The following ARHGAP6 variants were observed in gnomAD, a reference collection of about 807,000 sequenced individuals.
ARHGAP6 encodes the protein rho GTPase-activating protein 6.
In ARHGAP6, 16 loss-of-function variants were observed where a neutral mutation model predicts 55.7. The ratio of observed to expected loss-of-function variants is 0.29; its 90% confidence interval spans 0.19 to 0.44. ARHGAP6 has a LOEUF of 0.44. Ranked by LOEUF, ARHGAP6 falls within the 20% of genes least tolerant of loss-of-function variation. The probability of loss-of-function intolerance (pLI) is 1.00; values close to 1 mark genes in which losing one functional copy is unlikely to be tolerated. For synonymous variants in ARHGAP6, 382 were observed against 360.9 expected (o/e 1.06, Z -0.66); for missense variants, 698 against 808.9 (o/e 0.86, Z 1.66).
At chrX:11,404,288 C>G (rs1189166220) in intron 1 of ARHGAP6, among the ~76,000 whole-genome samples, 1 of 110,956 alleles carries the variant, frequency 9.0e-6, no homozygotes, top group East Asian at 2.8e-4. Flanking sequence ...AGCCCAGGAT[C>G]GAGGTCATCC....
intron 1 of ARHGAP6, among the ~76,000 whole-genome samples, chrX:11,558,933 C>T (rs1337956567): frequency 3.9e-5 from 4 of 102,970 alleles, no homozygotes; most frequent in Non-Finnish European, 7.8e-5. Context: ...AGTTAAGTCA[C>T]GTAAATTCCC....
chrX:11,368,898 C>T, intron 1 of ARHGAP6, among the ~76,000 whole-genome samples: 1 of 111,927 alleles, frequency 8.9e-6, no homozygotes, highest in African/African-American at 3.2e-5. Context: ...TCATGTTTTA[C>T]AGTCTAAAAA....
intron 1 of ARHGAP6, among the ~76,000 whole-genome samples, chrX:11,344,678 C>CAAAAAAAAAAAAAAAAAAAAAAAA (rs34123570): frequency 1.3e-3 from 36 of 28,255 alleles, no homozygotes; most frequent in East Asian, 1.4e-3. Context: ...AACTCCATCA[C>CAAAAAAAAAAAAAAAAAAAAAAAA]AAAAAAAAAA....
chrX:11,428,053 TGCTGAGG>T, intron 1 of ARHGAP6, among the ~76,000 whole-genome samples: 1 of 112,676 alleles, frequency 8.9e-6, no homozygotes, highest in Non-Finnish European at 1.9e-5. Context: ...GGACCCCGGC[TGCTGAGG>T]CGGGGACTGC....
At position 11,174,274 on chromosome X, in the gene ARHGAP6, C is replaced by T. The variant is rs949190538; in HGVS notation, c.1629+3826G>A. Among the ~76,000 whole-genome samples, 6 of 111,933 alleles carry T rather than the reference C, an allele frequency of 5.4e-5. No homozygotes were observed. The East Asian group carries it at 1.7e-3, about 31-fold the overall frequency. On this transcript the variant is annotated intron_variant, in intron 8 of 12. Transcript: ENST00000337414. ...TGTGCATCTTAAATTCAACCTCCTC[C>T]ATGAAGCCATTCCTAACTTTTCTGG... is the stretch of plus-strand genomic sequence containing the variant.
rs1389621200 is a variant in ARHGAP6 at position 11,390,778 on chromosome X, C to A, written c.589-136071G>T. On this transcript the variant is annotated intron_variant, in intron 1 of 12. Transcript: ENST00000337414. ...ACCACAGTGAGATACCATCTCACAC[C>A]AGTTACAATGGCGATCATTCAAATG... Among the ~76,000 whole-genome samples, 3 of 112,067 alleles carry A rather than the reference C, an allele frequency of 2.7e-5. No homozygotes were observed. The East Asian group carries it at 8.3e-4, about 31-fold the overall frequency.
intron 1 of ARHGAP6, among the ~76,000 whole-genome samples, chrX:11,279,135 C>T (rs1037802845): frequency 2.7e-5 from 3 of 111,855 alleles, no homozygotes; most frequent in African/African-American, 9.7e-5. Context: ...CCTAGCTTAA[C>T]ATGATGACTT....
At chrX:11,465,411 T>C in intron 1 of ARHGAP6, among the ~76,000 whole-genome samples, 1 of 112,547 alleles carries the variant, frequency 8.9e-6, no homozygotes, top group Middle Eastern at 4.2e-3. Flanking sequence ...ATATGTAGTT[T>C]AAAATGTTCT....
At chrX:11,386,794 T>C (rs2049333560) in intron 1 of ARHGAP6, among the ~76,000 whole-genome samples, 1 of 111,809 alleles carries the variant, frequency 8.9e-6, no homozygotes, top group Admixed American at 9.5e-5. Flanking sequence ...AATTAAACTA[T>C]AAATAGCAGT....
chrX:11,294,537 C>A (rs1569289551), intron 1 of ARHGAP6, among the ~76,000 whole-genome samples: 1 of 111,748 alleles, frequency 8.9e-6, no homozygotes, highest in African/African-American at 3.3e-5. Flanking sequence ...TCATTCATGT[C>A]CCTGTAACTT....
At chrX:11,388,367 T>C (rs1174584410) in intron 1 of ARHGAP6, among the ~76,000 whole-genome samples, 1 of 112,261 alleles carries the variant, frequency 8.9e-6, no homozygotes, top group South Asian at 3.8e-4. Context: ...GAGAAGTGTC[T>C]GTTCATATCC....
intron 1 of ARHGAP6, among the ~76,000 whole-genome samples, chrX:11,426,773 C>T (rs781711676): frequency 9.2e-6 from 1 of 108,987 alleles, no homozygotes; most frequent in Non-Finnish European, 1.9e-5. Context: ...CATCTAGTAT[C>T]TGGATTTGGT....
At chrX:11,373,094 A>AAC (rs71907621) in intron 1 of ARHGAP6, among the ~76,000 whole-genome samples, 4,079 of 98,812 alleles carry the variant, frequency 0.041, 86 homozygotes, top group Middle Eastern at 0.071. Context: ...CACACACACA[A>AAC]ACACACACAC....
At position 11,190,800 on chromosome X, in the gene ARHGAP6, G is replaced by A. The variant is rs755575290; in HGVS notation, c.821-1816C>T. 2.3e-3 allele frequency among the ~76,000 whole-genome samples: 254 copies of A among 111,626 alleles called. 1 individual carries two copies. The highest frequency in any genetic ancestry group is 2.9e-3 in the Non-Finnish European group (156 of 53,135). On this transcript the variant is annotated intron_variant, in intron 3 of 12. Transcript: ENST00000337414. ...CATCTAAGGAAAACCAACCAGACTC[G>A]TTTAGAGACTTCTTATACCTCTGGG...
chrX:11,358,429 G>GTTTCTTTCTTTCTTTCTTTC (rs1569313348), intron 1 of ARHGAP6, among the ~76,000 whole-genome samples: 3 of 85,469 alleles, frequency 3.5e-5, no homozygotes, highest in Non-Finnish European at 6.9e-5. Flanking sequence ...CGTTTTAACT[G>GTTTCTTTCTTTCTTTCTTTC]TATCTTTCTT....
intron 1 of ARHGAP6, among the ~76,000 whole-genome samples, chrX:11,379,121 C>T (rs963217120): frequency 8.9e-6 from 1 of 112,202 alleles, no homozygotes; most frequent in Admixed American, 9.4e-5. Flanking sequence ...CTATGCAGCT[C>T]TACGCCACAT....
chrX:11,487,184 C>A (rs1453651963), intron 1 of ARHGAP6, among the ~76,000 whole-genome samples: 3 of 112,216 alleles, frequency 2.7e-5, no homozygotes, highest in African/African-American at 9.7e-5. Flanking sequence ...TACATATATG[C>A]ATATGTGTAA....
intron 1 of ARHGAP6, among the ~76,000 whole-genome samples, chrX:11,382,785 A>G (rs991153029): frequency 4.5e-5 from 5 of 111,917 alleles, no homozygotes; most frequent in Non-Finnish European, 5.6e-5. Context: ...GCCCAAACAA[A>G]TCAAAGTACC....
At chrX:11,449,066 T>C (rs1348692006) in intron 1 of ARHGAP6, among the ~76,000 whole-genome samples, 1 of 111,519 alleles carries the variant, frequency 9.0e-6, no homozygotes, top group African/African-American at 3.3e-5. Context: ...TTGTGAAAGC[T>C]ATGAGAAGCG....
Sources: gnomAD v4.1 joint callset for allele counts (sites outside exome capture counted in the v4.1 genomes callset) on GRCh38, gnomAD v4.1.1 for gene constraint, MANE v1.5 for transcripts, NCBI Gene and HGNC (gene_info 2026-07-23, HGNC 2026-07-21) for gene names.